Variants in NPNT observed in about 807,000 individuals in gnomAD.
NPNT encodes nephronectin.
Under a neutral mutation model 68.6 loss-of-function variants are expected in NPNT, and 45 were observed. That is an observed-to-expected ratio of 0.66 (90% CI 0.52 to 0.84). NPNT has a LOEUF of 0.84. Ranked by LOEUF, NPNT falls within the 40% of genes least tolerant of loss-of-function variation. The pLI, the probability that NPNT is intolerant of heterozygous loss-of-function variation, is 0.00. For missense variants in NPNT, 672 were observed against 714.8 expected (o/e 0.94, Z 0.68); for synonymous variants, 233 against 253.3 (o/e 0.92, Z 0.76).
chr4:105,930,654 A>G (rs189380183), intron 3 of NPNT, among the ~76,000 whole-genome samples: 1 of 152,346 alleles, frequency 6.6e-6, no homozygotes, highest in African/African-American at 2.4e-5. Context: ...ACTTTACAGA[A>G]CTGGAAATTA....
chr4:105,961,660 T>C (rs1731726554), intron 10 of NPNT, among the ~76,000 whole-genome samples: 1 of 152,130 alleles, frequency 6.6e-6, no homozygotes, highest in South Asian at 2.1e-4. Flanking sequence ...GGTTAGAAAT[T>C]AGAATGGTAG....
At chr4:105,945,186 T>C (rs1730283598) in intron 8 of NPNT, among the ~76,000 whole-genome samples, 1 of 152,222 alleles carries the variant, frequency 6.6e-6, no homozygotes, top group African/African-American at 2.4e-5. Context: ...TAACAATATA[T>C]TTATGGGGTA....
Position 105,970,317 on chromosome 4 carries a change from G to T in NPNT, c.*1327G>T. ...TAAAAAACAATGTAACTTTTAAAAG[G>T]CATCATTCCTGAGGTTTGTCTTAAT... On this transcript the variant is annotated 3_prime_UTR_variant, in exon 12 of 12. Transcript: ENST00000379987. 1 of 643,572 alleles carries T rather than the reference G, an allele frequency of 1.6e-6. No homozygotes were observed. Among genetic ancestry groups the T allele is most frequent in the East Asian group, 2.7e-5 (1 of 36,656 alleles). 39.9% of individuals were successfully genotyped at this position (643,572 alleles called of 1,614,324 possible).
At chr4:105,964,305 A>G (rs1177033505) in intron 10 of NPNT, among the ~76,000 whole-genome samples, 2 of 152,238 alleles carry the variant, frequency 1.3e-5, no homozygotes, top group African/African-American at 2.4e-5. Flanking sequence ...CCACAGAGGA[A>G]CATAAGTTGT....
intron 2 of NPNT, among the ~76,000 whole-genome samples, chr4:105,924,085 C>T (rs951030764): frequency 2.0e-5 from 3 of 151,388 alleles, no homozygotes; most frequent in African/African-American, 7.3e-5. Flanking sequence ...CTTTTGTTTC[C>T]TATTCCACTG....
rs142807162 is a variant in NPNT, at chr4:105,949,503, C to A, written c.1159+6801C>A. ...TGCACAAACTTAGCCAGAAAAGCAG[C>A]TATAAGTGGTGGTATGCCTGTATGG... is the stretch of plus-strand genomic sequence containing the variant. On this transcript the variant is annotated intron_variant, in intron 8 of 11. Coordinates refer to ENST00000379987, the MANE Select transcript of NPNT (RefSeq NM_001033047.3). 9.6e-3 allele frequency among the ~76,000 whole-genome samples: 1,455 copies of A among 152,170 alleles called. 20 individuals carry two copies. Among genetic ancestry groups the A allele is most frequent in the African/African-American group, 0.031 (1,302 of 41,506 alleles).
At chr4:105,935,194 G>A (rs984720057) in intron 3 of NPNT, among the ~76,000 whole-genome samples, 2 of 152,124 alleles carry the variant, frequency 1.3e-5, no homozygotes, top group Non-Finnish European at 2.9e-5. Flanking sequence ...TCCTTTTCTC[G>A]AGATATAGGT....
In NPNT at chr4:105,971,331, G is replaced by A. The variant is rs1418559665; in HGVS notation, c.*2341G>A. The A allele has an allele frequency of 3.4e-6, 1 of 290,116 alleles. No individual in the cohort carries two copies. The highest frequency in any genetic ancestry group is 7.2e-6 in the Non-Finnish European group (1 of 138,196). 18.0% of individuals were successfully genotyped at this position (290,116 alleles called of 1,614,324 possible). On this transcript the variant is annotated 3_prime_UTR_variant, in exon 12 of 12. Coordinates refer to ENST00000379987, the MANE Select transcript of NPNT (RefSeq NM_001033047.3). ...TTTTTGAACAATAGGTACAATAGAA[G>A]GTCTTCTGTCATTTAACCTGGTAAA...
intron 2 of NPNT, among the ~76,000 whole-genome samples, chr4:105,913,876 T>C (rs981659303): frequency 6.5e-4 from 99 of 152,258 alleles, no homozygotes; most frequent in African/African-American, 2.4e-3. Flanking sequence ...ACAGTGTTTG[T>C]GCTTGGGAAA....
intron 8 of NPNT, among the ~76,000 whole-genome samples, chr4:105,950,381 CT>C (rs1401275140): frequency 6.6e-6 from 1 of 151,888 alleles, no homozygotes; most frequent in Non-Finnish European, 1.5e-5. Flanking sequence ...ATTCCTAATC[CT>C]TATGACACAT....
chr4:105,962,303 A>C (rs1028002091), intron 10 of NPNT, among the ~76,000 whole-genome samples: 5 of 152,250 alleles, frequency 3.3e-5, no homozygotes, highest in Admixed American at 6.5e-5. Flanking sequence ...AAAAACAGGC[A>C]AAGGAACCAT....
chr4:105,941,651 T>G (rs765676852), intron 7 of NPNT, among the ~76,000 whole-genome samples: 1 of 152,218 alleles, frequency 6.6e-6, no homozygotes, highest in African/African-American at 2.4e-5. Context: ...ATTGATTCTT[T>G]TTGATGAAGA....
chr4:105,953,291 G>A (rs955521428), intron 8 of NPNT, among the ~76,000 whole-genome samples: 3 of 152,190 alleles, frequency 2.0e-5, no homozygotes, highest in South Asian at 2.1e-4. Flanking sequence ...TTGTTGATTA[G>A]CAATGTCTAT....
intron 10 of NPNT, 93 bp downstream of exon 10, chr4:105,959,219 ATC>A (rs1156237136): frequency 1.4e-5 from 11 of 762,890 alleles, no homozygotes; most frequent in Non-Finnish European, 2.1e-5. Context: ...ACTGTAACAC[ATC>A]TCTGTGTTTA....
intron 1 of NPNT, chr4:105,896,135 C>CGG (rs1338409166): frequency 5.4e-6 from 1 of 185,856 alleles, no homozygotes; most frequent in African/African-American, 2.4e-5. Flanking sequence ...TCCAGGCCCC[C>CGG]GGGGGGAGGC....
chr4:105,895,541 C>A lies in NPNT; in HGVS notation c.-112C>A. ...GGAGCGGCAGCAGTAGCCCGGGCGG[C>A]GAGGGCTGGGGGTTCCTCGAGACTC... is the stretch of plus-strand genomic sequence containing the variant. On this transcript the variant is annotated 5_prime_UTR_variant, in exon 1 of 12. Transcript: ENST00000379987. 1.2e-6 allele frequency: 1 copy of A among 855,018 alleles called. No individual in the cohort carries two copies. 53.0% of individuals were successfully genotyped at this position (855,018 alleles called of 1,614,324 possible). A position where few individuals can be genotyped will look rare whatever the true frequency, so the allele number is the denominator to read the frequency against.
At chr4:105,923,808 G>C (rs1456297833) in intron 2 of NPNT, among the ~76,000 whole-genome samples, 1 of 152,032 alleles carries the variant, frequency 6.6e-6, no homozygotes, top group African/African-American at 2.4e-5. Flanking sequence ...CTGCTAAGGA[G>C]AATAGGGAAC....
intron 2 of NPNT, among the ~76,000 whole-genome samples, chr4:105,911,085 T>C (rs1172320607): frequency 1.3e-5 from 2 of 152,138 alleles, no homozygotes; most frequent in Non-Finnish European, 2.9e-5. Context: ...TAATTTGCTA[T>C]TTACACTTTG....
intron 8 of NPNT, among the ~76,000 whole-genome samples, chr4:105,956,425 C>G (rs921767036): frequency 2.0e-5 from 3 of 151,978 alleles, no homozygotes; most frequent in African/African-American, 7.3e-5. Context: ...GCCAGGAAAC[C>G]TTTACATCAA....
Sources: gnomAD v4.1 joint callset for allele counts (sites outside exome capture counted in the v4.1 genomes callset) on GRCh38, gnomAD v4.1.1 for gene constraint, MANE v1.5 for transcripts, NCBI Gene and HGNC (gene_info 2026-07-23, HGNC 2026-07-21) for gene names.